FGF14: variants seen among roughly 807,000 people sequenced by gnomAD.
The protein encoded by FGF14 is fibroblast growth factor 14.
A neutral mutation model predicts 25.5 loss-of-function variants in FGF14; 5 were observed. That is an observed-to-expected ratio of 0.20 (90% CI 0.10 to 0.41). The LOEUF is 0.41. FGF14 is among the 10% of genes least tolerant of loss of function. FGF14 has a pLI of 1.00. For missense variants in FGF14, 222 were observed against 320.1 expected, an observed-to-expected ratio of 0.69 and a Z score of 2.34; for synonymous variants, 138 against 118.3, an observed-to-expected ratio of 1.17 and a Z score of -1.08.
intron 1 of FGF14, among the ~76,000 whole-genome samples, chr13:102,063,233 T>A (rs939728407): frequency 6.6e-6 from 1 of 152,232 alleles, no homozygotes; most frequent in African/African-American, 2.4e-5. Context: ...TGGACATAGA[T>A]ACAAAATATG....
intron 1 of FGF14, among the ~76,000 whole-genome samples, chr13:102,005,347 T>C (rs1032139979): frequency 4.6e-5 from 7 of 152,194 alleles, no homozygotes; most frequent in Admixed American, 6.5e-5. Flanking sequence ...AAATAAGAGT[T>C]TTTAAACTTG....
At chr13:102,254,289 G>A (rs982278365) in intron 1 of FGF14, among the ~76,000 whole-genome samples, 6 of 152,138 alleles carry the variant, frequency 3.9e-5, no homozygotes, top group African/African-American at 9.7e-5. Context: ...GTGAGGGTTC[G>A]GCCATTGTCC....
chr13:102,401,403 A>C, intron 1 of FGF14: 14 of 1,453,776 alleles, frequency 9.6e-6, no homozygotes, highest in Non-Finnish European at 1.4e-5. Flanking sequence ...AGAACTGCAG[A>C]TCTAGCTCGA....
intron 1 of FGF14, among the ~76,000 whole-genome samples, chr13:102,084,895 C>T (rs985220131): frequency 6.6e-6 from 1 of 152,114 alleles, no homozygotes; most frequent in Non-Finnish European, 1.5e-5. Flanking sequence ...GAAATGGCTC[C>T]CCAAACCCTT....
At chr13:102,047,961 T>C (rs1257273646) in intron 1 of FGF14, among the ~76,000 whole-genome samples, 1 of 152,082 alleles carries the variant, frequency 6.6e-6, no homozygotes, top group Non-Finnish European at 1.5e-5. Flanking sequence ...TTAGTTGGTA[T>C]GGTGCCAGTT....
intron 1 of FGF14, among the ~76,000 whole-genome samples, chr13:102,287,103 T>C (rs1000620854): frequency 1.3e-5 from 2 of 152,066 alleles, no homozygotes; most frequent in Non-Finnish European, 2.9e-5. Context: ...GTTGTGCACA[T>C]GTACCCTAGA....
intron 1 of FGF14, among the ~76,000 whole-genome samples, chr13:102,266,207 C>G (rs2141138866): frequency 6.6e-6 from 1 of 152,222 alleles, no homozygotes; most frequent in African/African-American, 2.4e-5. Context: ...CTTCCCAGAA[C>G]AGTAGAAGAG....
chr13:102,341,806 G>C (rs1304498891), intron 1 of FGF14, among the ~76,000 whole-genome samples: 1 of 152,174 alleles, frequency 6.6e-6, no homozygotes, highest in Admixed American at 6.6e-5. Context: ...GAAAATACCA[G>C]ATAGGTGCCC....
intron 1 of FGF14, among the ~76,000 whole-genome samples, chr13:102,224,263 G>T (rs1437180502): frequency 6.6e-6 from 1 of 152,112 alleles, no homozygotes; most frequent in Non-Finnish European, 1.5e-5. Flanking sequence ...CATCGGCAGG[G>T]TCTTTGCAGG....
At chr13:102,128,096 G>A (rs747014839) in intron 1 of FGF14, among the ~76,000 whole-genome samples, 25 of 144,348 alleles carry the variant, frequency 1.7e-4, no homozygotes, top group African/African-American at 5.5e-4. Flanking sequence ...TCCACATCCC[G>A]GATATCCAAT....
At chr13:101,878,168 C>T (rs190239762) in intron 1 of FGF14, among the ~76,000 whole-genome samples, 111 of 152,300 alleles carry the variant, frequency 7.3e-4, no homozygotes, top group African/African-American at 2.4e-3. Context: ...TGTGGGTTAC[C>T]TATAAATATT....
chr13:101,879,451 C>T (rs575929806), intron 1 of FGF14, among the ~76,000 whole-genome samples: 7 of 152,252 alleles, frequency 4.6e-5, no homozygotes, highest in Non-Finnish European at 8.8e-5. Flanking sequence ...GAAAAATACA[C>T]AACATTTTTA....
chr13:102,327,476 T>A (rs190024994), intron 1 of FGF14, among the ~76,000 whole-genome samples: 1 of 152,136 alleles, frequency 6.6e-6, no homozygotes, highest in Non-Finnish European at 1.5e-5. Flanking sequence ...ATAAATAGAT[T>A]TGGCCAAATC....
rs1466423806 is a variant in FGF14 at position 101,713,666 on chromosome 13, C to T, written c.*9165G>A. On this transcript the variant is annotated 3_prime_UTR_variant, in exon 5 of 5. Transcript: ENST00000376143. ...CTGTCTTGGATACCATTCATCATCTCATTTATTTTCTTTTATTTTAAATAT... is the reference window on the plus strand; with the variant it reads ...CTGTCTTGGATACCATTCATCATCTTATTTATTTTCTTTTATTTTAAATAT... 2 of 152,074 alleles carry T rather than the reference C, an allele frequency of 1.3e-5. No individual in the cohort carries two copies. The highest frequency in any genetic ancestry group is 3.8e-4 in the East Asian group (2 of 5,198). The allele number at this position is 152,074 out of a possible 1,614,324, so 9.4% of individuals were successfully genotyped here. A position where few individuals can be genotyped will look rare whatever the true frequency, so the allele number is the denominator to read the frequency against.
In FGF14 at chr13:101,859,197, T is replaced by C. The variant is rs529060180; in HGVS notation, c.408+9528A>G. Among the ~76,000 whole-genome samples, 10 of 152,266 alleles carry C rather than the reference T, an allele frequency of 6.6e-5. No homozygotes were observed. The South Asian group carries it at 1.9e-3, about 28-fold the overall frequency. On this transcript the variant is annotated intron_variant, in intron 3 of 4. Coordinates refer to ENST00000376143, the MANE Select transcript of FGF14 (RefSeq NM_004115.4). ...CGAGGAATAAATTAATAAAATGTAC[T>C]GTGAAAATTGGTTTCACCTTAACAA...
chr13:102,186,624 T>C (rs779256547), intron 1 of FGF14, among the ~76,000 whole-genome samples: 13 of 152,194 alleles, frequency 8.5e-5, no homozygotes, highest in Non-Finnish European at 1.3e-4. Flanking sequence ...GACATGTCTA[T>C]ACATATAATT....
chr13:101,867,928 ACACACACG>A (rs541053583), intron 3 of FGF14, among the ~76,000 whole-genome samples: 5,313 of 147,444 alleles, frequency 0.036, 200 homozygotes, highest in East Asian at 0.22. Context: ...ACACACACAC[ACACACACG>A]CGCACACACA....
At chr13:102,025,305 G>A (rs2040868377) in intron 1 of FGF14, among the ~76,000 whole-genome samples, 1 of 151,698 alleles carries the variant, frequency 6.6e-6, no homozygotes, top group Non-Finnish European at 1.5e-5. Flanking sequence ...ATATTGACAT[G>A]TTAAGAATAT....
At chr13:102,005,306 T>C (rs978190377) in intron 1 of FGF14, among the ~76,000 whole-genome samples, 4 of 152,224 alleles carry the variant, frequency 2.6e-5, no homozygotes, top group Admixed American at 1.3e-4. Flanking sequence ...GAAATGTCTA[T>C]TTTGCTCTTG....
Sources: gnomAD v4.1 joint callset for allele counts (sites outside exome capture counted in the v4.1 genomes callset) on GRCh38, gnomAD v4.1.1 for gene constraint, MANE v1.5 for transcripts, NCBI Gene and HGNC (gene_info 2026-07-23, HGNC 2026-07-21) for gene names.